Variants in SLC35F1 observed in about 807,000 individuals in gnomAD.
The protein encoded by SLC35F1 is chromosome 6 open reading frame 169.
In SLC35F1, 14 loss-of-function variants were observed where a neutral mutation model predicts 48.7. The observed-to-expected ratio is 0.29, with a 90% CI of 0.19 to 0.45. The LOEUF (loss-of-function observed/expected upper bound fraction) is 0.45, where lower values mean the gene tolerates loss of function less well. Among genes scored for constraint, SLC35F1 ranks in the 20% least tolerant of loss-of-function variants. The probability of loss-of-function intolerance (pLI) is 1.00; values close to 1 mark genes in which losing one functional copy is unlikely to be tolerated. For synonymous variants in SLC35F1, 190 were observed against 202.2 expected, an observed-to-expected ratio of 0.94 and a Z score of 0.51; for missense variants, 404 against 500.0, an observed-to-expected ratio of 0.81 and a Z score of 1.83.
chr6:118,014,596 G>C (rs563511345), intron 1 of SLC35F1, among the ~76,000 whole-genome samples: 1 of 152,276 alleles, frequency 6.6e-6, no homozygotes, highest in African/African-American at 2.4e-5. Context: ...GGTTGGTGTG[G>C]TCATGACAGG....
chr6:118,162,947 T>C (rs971067353), intron 2 of SLC35F1, among the ~76,000 whole-genome samples: 1 of 151,098 alleles, frequency 6.6e-6, no homozygotes, highest in Non-Finnish European at 1.5e-5. Context: ...CTAATGTGTA[T>C]GAATCTTTTC....
At chr6:118,268,820 G>A (rs1197625521) in intron 4 of SLC35F1, among the ~76,000 whole-genome samples, 10 of 151,878 alleles carry the variant, frequency 6.6e-5, no homozygotes, top group African/African-American at 2.4e-4. Context: ...ACATTGACCA[G>A]GCTAGTCTTG....
At chr6:118,161,212 C>T (rs75814185) in intron 2 of SLC35F1, among the ~76,000 whole-genome samples, 1,999 of 152,150 alleles carry the variant, frequency 0.013, 38 homozygotes, top group African/African-American at 0.045. Context: ...AAGATCTCAC[C>T]TCCCCAGATC....
intron 2 of SLC35F1, among the ~76,000 whole-genome samples, chr6:118,206,894 C>T (rs1309784238): frequency 6.6e-6 from 1 of 152,172 alleles, no homozygotes; most frequent in African/African-American, 2.4e-5. Flanking sequence ...GATTAAACAA[C>T]TTGTTGCAGC....
chr6:118,032,057 A>G (rs758106199), intron 1 of SLC35F1, among the ~76,000 whole-genome samples: 2 of 152,158 alleles, frequency 1.3e-5, no homozygotes, highest in Non-Finnish European at 2.9e-5. Flanking sequence ...GCAGATAGCT[A>G]TTTAGGAGGA....
chr6:118,133,126 G>A (rs1320231284), intron 1 of SLC35F1, among the ~76,000 whole-genome samples: 1 of 152,128 alleles, frequency 6.6e-6, no homozygotes, highest in Non-Finnish European at 1.5e-5. Context: ...TGAACAAGAG[G>A]TTTCTGCATG....
chr6:118,056,349 A>T (rs1216476879), intron 1 of SLC35F1, among the ~76,000 whole-genome samples: 1 of 152,182 alleles, frequency 6.6e-6, no homozygotes, highest in Non-Finnish European at 1.5e-5. Flanking sequence ...CTAAGAATTA[A>T]ATCCTGACAT....
In SLC35F1 at chr6:118,140,711, T is replaced by A. The variant is rs534970566; in HGVS notation, c.174-13734T>A. 5.3e-5 allele frequency among the ~76,000 whole-genome samples: 8 copies of A among 152,282 alleles called. No homozygotes were observed. The South Asian group carries it at 1.5e-3, about 28-fold the overall frequency. On this transcript the variant is annotated intron_variant, in intron 1 of 7. Transcript: ENST00000360388. ...GAGATGACAGCTTCATGGGTATTAT[T>A]GCCCTAAAGACCTTCCAGTGGGACA...
intron 1 of SLC35F1, among the ~76,000 whole-genome samples, chr6:117,980,111 C>T (rs1309878610): frequency 1.3e-5 from 2 of 152,122 alleles, no homozygotes; most frequent in African/African-American, 2.4e-5. Context: ...TCTAGAGCCT[C>T]ATGTGTAAGA....
At chr6:117,968,935 C>T (rs865955429) in intron 1 of SLC35F1, among the ~76,000 whole-genome samples, 10 of 152,186 alleles carry the variant, frequency 6.6e-5, no homozygotes, top group African/African-American at 2.4e-4. Context: ...TCCCTTCTGT[C>T]TGTTGTATAA....
At chr6:118,112,490 C>T (rs1404576388) in intron 1 of SLC35F1, among the ~76,000 whole-genome samples, 2 of 152,074 alleles carry the variant, frequency 1.3e-5, no homozygotes, top group Non-Finnish European at 2.9e-5. Flanking sequence ...GTTCTTTCTC[C>T]ACTTTACTTT....
At chr6:118,169,825 A>T (rs994037132) in intron 2 of SLC35F1, among the ~76,000 whole-genome samples, 6 of 152,218 alleles carry the variant, frequency 3.9e-5, no homozygotes, top group African/African-American at 1.4e-4. Flanking sequence ...ATTGAAATCA[A>T]ATCAACATGT....
intron 1 of SLC35F1, among the ~76,000 whole-genome samples, chr6:117,960,153 T>TG (rs1430419365): frequency 6.6e-6 from 1 of 151,996 alleles, no homozygotes; most frequent in Admixed American, 6.6e-5. Flanking sequence ...TTCGAGGAAC[T>TG]GATAGTCTAG....
At chr6:117,941,350 C>T (rs899464200) in intron 1 of SLC35F1, among the ~76,000 whole-genome samples, 1 of 152,122 alleles carries the variant, frequency 6.6e-6, no homozygotes, top group African/African-American at 2.4e-5. Flanking sequence ...GAAATGAGTC[C>T]TTCCACATTG....
Position 118,095,278 on chromosome 6 carries a change from G to A in SLC35F1, c.174-59167G>A, listed in dbSNP as rs112842568. On this transcript the variant is annotated intron_variant, in intron 1 of 7. Coordinates refer to ENST00000360388, the MANE Select transcript of SLC35F1 (RefSeq NM_001029858.4). ...ACATTAGTCTTAGTTTGTGCTCTTT[G>A]TTCCAAACAGGTGCCAGCATTGAAT... 1.6e-4 allele frequency among the ~76,000 whole-genome samples: 24 copies of A among 152,326 alleles called. 1 individual carries two copies. The highest frequency in any genetic ancestry group is 5.5e-4 in the African/African-American group (23 of 41,572).
intron 1 of SLC35F1, among the ~76,000 whole-genome samples, chr6:118,136,387 C>G (rs1023584859): frequency 6.6e-6 from 1 of 152,146 alleles, no homozygotes; most frequent in Non-Finnish European, 1.5e-5. Context: ...TTTTAAAATA[C>G]CTTCAGGTCT....
intron 7 of SLC35F1, among the ~76,000 whole-genome samples, chr6:118,286,106 T>G (rs1486643668): frequency 6.6e-6 from 1 of 152,122 alleles, no homozygotes; most frequent in Admixed American, 6.5e-5. Flanking sequence ...CCTTAACAAG[T>G]CCTGTAAGAC....
In SLC35F1 at chr6:118,193,501, A is replaced by G. The variant is rs189751496; in HGVS notation, c.349+38881A>G. Among the ~76,000 whole-genome samples, 283 of 152,306 alleles carry G rather than the reference A, an allele frequency of 1.9e-3. 2 individuals carry two copies. The highest frequency in any genetic ancestry group is 2.7e-3 in the Non-Finnish European group (185 of 68,024). On this transcript the variant is annotated intron_variant, in intron 2 of 7. Coordinates refer to ENST00000360388, the MANE Select transcript of SLC35F1 (RefSeq NM_001029858.4). ...AGCTTTATCCTATCTAATATAAAAC[A>G]ATCCTTTAACCCTCTAAACTTAGGC...
rs1362452920 is a variant in SLC35F1 at position 118,317,574 on chromosome 6, G to A, written c.*3322G>A. The stretch of plus-strand genomic sequence containing the variant: ...GTTACACCGATAAGTTCAACAAACT[G>A]TCCATTTTTGATATTTGCATGCTCC... On this transcript the variant is annotated 3_prime_UTR_variant, in exon 8 of 8. Coordinates refer to ENST00000360388, the MANE Select transcript of SLC35F1 (RefSeq NM_001029858.4). 2 of 152,176 alleles carry A rather than the reference G, an allele frequency of 1.3e-5. No homozygotes were observed. Among genetic ancestry groups the A allele is most frequent in the African/African-American group, 2.4e-5 (1 of 41,442 alleles). 9.4% of individuals were successfully genotyped at this position (152,176 alleles called of 1,614,324 possible).
Sources: gnomAD v4.1 joint callset for allele counts (sites outside exome capture counted in the v4.1 genomes callset) on GRCh38, gnomAD v4.1.1 for gene constraint, MANE v1.5 for transcripts, NCBI Gene and HGNC (gene_info 2026-07-23, HGNC 2026-07-21) for gene names.